ARFGAP1: variants seen among roughly 807,000 people sequenced by gnomAD.
ARFGAP1 encodes ARF GTPase activating protein 1.
Under a neutral mutation model 54.0 loss-of-function variants are expected in ARFGAP1, and 26 were observed. The observed-to-expected ratio is 0.48, with a 90% CI of 0.35 to 0.67. The LOEUF (loss-of-function observed/expected upper bound fraction) is 0.67, where lower values mean the gene tolerates loss of function less well. ARFGAP1 is among the 30% of genes least tolerant of loss of function. ARFGAP1 has a pLI of 0.00. For synonymous variants in ARFGAP1, 248 were observed against 211.9 expected (o/e 1.17, Z -1.48); for missense variants, 525 against 535.8 (o/e 0.98, Z 0.20).
rs1265741583 is a variant in ARFGAP1 at position 63,289,306 on chromosome 20, C to T, written c.*1433C>T. 3 of 152,218 alleles carry T rather than the reference C, an allele frequency of 2.0e-5. No homozygotes were observed. The highest frequency in any genetic ancestry group is 2.1e-4 in the South Asian group (1 of 4,828). 9.4% of individuals were successfully genotyped at this position (152,218 alleles called of 1,614,324 possible). A position where few individuals can be genotyped will look rare whatever the true frequency, so the allele number is the denominator to read the frequency against. Reference sequence around the variant, plus strand: ...AGGAAGCCAGCCCCCGAGAGCTGAGCGTGGGGGTCTTTGAGTGTCTTTCTC... The same window carrying T: ...AGGAAGCCAGCCCCCGAGAGCTGAGTGTGGGGGTCTTTGAGTGTCTTTCTC... On this transcript the variant is annotated 3_prime_UTR_variant, in exon 13 of 13. Transcript: ENST00000370283.
At chr20:63,286,507 C>G (rs2067555664) in intron 12 of ARFGAP1, 65 bp downstream of exon 12, 17 of 1,487,390 alleles carry the variant, frequency 1.1e-5, no homozygotes, top group Admixed American at 1.8e-5. Flanking sequence ...CTCCTACAGG[C>G]TCTCCAGGAG....
Position 63,276,542 on chromosome 20 carries a change from G to T in ARFGAP1, c.233G>T (p.Gly78Val). ...ATTGAGCTTGAGAAGATGAAAGCTG[G>T]TGGGAATGCTAAGTTCCGAGAGTTC... ...KDIELEKMKA[G>V]GNAKFREFLE... The change falls in exon 4 of 13, where the codon GGT (glycine) becomes GTT (valine). Residue 78 changes from glycine to valine, a missense_variant. Transcript: ENST00000370283. This position sits in a 1 kb window ranked among gnomAD's most constrained non-coding sequence, Gnocchi z 5.2. The T allele has an allele frequency of 6.2e-7, 1 of 1,614,104 alleles. No individual in the cohort carries two copies. Among genetic ancestry groups the T allele is most frequent in the Non-Finnish European group, 8.5e-7 (1 of 1,180,002 alleles).
chr20:63,285,070 C>T (rs1306644080), intron 10 of ARFGAP1, 148 bp downstream of exon 10: 11 of 985,186 alleles, frequency 1.1e-5, no homozygotes, highest in Non-Finnish European at 1.5e-5. Context: ...CAGGCGTCCT[C>T]CTCGGGGCCT....
In ARFGAP1 at chr20:63,284,630, G is replaced by A; in HGVS notation, c.718-236G>A. On this transcript the variant is annotated intron_variant, in intron 9 of 12. Coordinates refer to ENST00000370283, the MANE Select transcript of ARFGAP1 (RefSeq NM_018209.4). ...GGCGCGTGAGGGAGGACCCTGGAGGGGGACCTTCCTGCAAGAATTGGTGGG... is the reference window on the plus strand; with the variant it reads ...GGCGCGTGAGGGAGGACCCTGGAGGAGGACCTTCCTGCAAGAATTGGTGGG... The A allele has an allele frequency of 2.9e-6, 4 of 1,382,442 alleles. No individual in the cohort carries two copies. In the South Asian group the frequency reaches 4.4e-5, roughly 15 times the overall value. 85.6% of individuals were successfully genotyped at this position (1,382,442 alleles called of 1,614,324 possible). A position where few individuals can be genotyped will look rare whatever the true frequency, so the allele number is the denominator to read the frequency against.
At chr20:63,284,989 G>T (rs994621028) in intron 10 of ARFGAP1, 67 bp downstream of exon 10, 1 of 1,570,142 alleles carries the variant, frequency 6.4e-7, no homozygotes, top group African/African-American at 1.4e-5. Flanking sequence ...TGTGTCAGGG[G>T]TGTTAGGGGG....
intron 7 of ARFGAP1, among the ~76,000 whole-genome samples, chr20:63,280,886 C>T (rs1236733164): frequency 1.3e-5 from 2 of 152,150 alleles, no homozygotes; most frequent in Admixed American, 6.5e-5. Flanking sequence ...AGAAGGAAAC[C>T]CTGAGCATAG....
rs998285640 is a variant in ARFGAP1 at position 63,284,743 on chromosome 20, A to T, written c.718-123A>T. ...CCCGTTTCCTGCTCCCTGCGCTTGT[A>T]TCCTGCTGCCTTCCCTCCTGCTGGT... On this transcript the variant is annotated intron_variant, in intron 9 of 12. Transcript: ENST00000370283. 3.0e-5 allele frequency: 46 copies of T among 1,523,776 alleles called. 1 individual carries two copies. The highest frequency in any genetic ancestry group is 5.9e-5 in the Admixed American group (3 of 50,798). 94.4% of individuals were successfully genotyped at this position (1,523,776 alleles called of 1,614,324 possible).
At position 63,276,003 on chromosome 20, in the gene ARFGAP1, T is replaced by A; in HGVS notation, c.61-88T>A. On this transcript the variant is annotated intron_variant, in intron 2 of 12. Transcript: ENST00000370283. This position sits in a 1 kb window ranked among gnomAD's most constrained non-coding sequence, Gnocchi z 5.2. ...CGGCCACCCTGGGCAGCCCTCTGCATTCGCTCCTTGAGGCCACCTGTCGGG... is the reference window on the plus strand; with the variant it reads ...CGGCCACCCTGGGCAGCCCTCTGCAATCGCTCCTTGAGGCCACCTGTCGGG... The A allele has an allele frequency of 8.0e-7, 1 of 1,247,650 alleles. No individual in the cohort carries two copies. Among genetic ancestry groups the A allele is most frequent in the Non-Finnish European group, 1.2e-6 (1 of 853,632 alleles). The allele number at this position is 1,247,650 out of a possible 1,614,324, so 77.3% of individuals were successfully genotyped here. A position where few individuals can be genotyped will look rare whatever the true frequency, so the allele number is the denominator to read the frequency against.
In ARFGAP1 at chr20:63,276,563, A is replaced by C; in HGVS notation, c.254A>C (p.Glu85Ala). Residue 85 changes from glutamate (E) to alanine (A), a missense_variant, in exon 4 of 13, where the codon GAG becomes GCG. Physicochemically the swap from Glu to Ala is moderately radical, Grantham distance 107 (BLOSUM62 -1). Around this residue, in one of 3 missense-constraint regions of ARFGAP1, gnomAD observed 466 missense variants for 453.6 expected, o/e 1.03. Transcript: ENST00000370283. The surrounding 1 kb of genome is among the most constrained non-coding windows in gnomAD (Gnocchi z 5.2). ...GCTGGTGGGAATGCTAAGTTCCGAG[A>C]GTTCCTGGAGTCTCAGGAGGATTAC... ...MKAGGNAKFR[E>A]FLESQEDYDP... The C allele has an allele frequency of 3.7e-6, 6 of 1,614,068 alleles. No homozygotes were observed. The highest frequency in any genetic ancestry group is 5.1e-6 in the Non-Finnish European group (6 of 1,179,998).
At chr20:63,275,896 AC>A (rs2067223059) in intron 2 of ARFGAP1, among the ~76,000 whole-genome samples, 194 bp from the exon 3 acceptor site, 2 of 151,912 alleles carry the variant, frequency 1.3e-5, no homozygotes, top group South Asian at 4.2e-4. Context: ...CGCTCTAAGG[AC>A]AGGTCCGCCT....
intron 9 of ARFGAP1, chr20:63,284,145 G>C: frequency 1.5e-6 from 2 of 1,337,940 alleles, no homozygotes; most frequent in Non-Finnish European, 1.9e-6. Flanking sequence ...AAAACACACA[G>C]ACCCCCAACG....
Position 63,287,544 on chromosome 20 carries a change from C to T in ARFGAP1, c.912-20C>T, listed in dbSNP as rs779811589. The T allele has an allele frequency of 1.4e-5, 22 of 1,559,964 alleles. No homozygotes were observed. Among genetic ancestry groups the T allele is most frequent in the Middle Eastern group, 1.7e-4 (1 of 5,774 alleles). Reference sequence around the variant, plus strand: ...ACTGAGTAACAGTCATTTAGAGTCCCCCTTCTGTCTCTTTAAAAGCCCCTC... The same window carrying T: ...ACTGAGTAACAGTCATTTAGAGTCCTCCTTCTGTCTCTTTAAAAGCCCCTC... On this transcript the variant is annotated intron_variant, in intron 12 of 12. Coordinates refer to ENST00000370283, the MANE Select transcript of ARFGAP1 (RefSeq NM_018209.4).
At chr20:63,282,478 T>C (rs1169738405) in intron 8 of ARFGAP1, among the ~76,000 whole-genome samples, 2 of 152,208 alleles carry the variant, frequency 1.3e-5, no homozygotes, top group African/African-American at 4.8e-5. Flanking sequence ...TGGTGTGGCT[T>C]CCCCAGCCCG....
intron 9 of ARFGAP1, chr20:63,284,107 C>G (rs570411929): frequency 1.6e-5 from 21 of 1,327,132 alleles, no homozygotes; most frequent in Non-Finnish European, 2.0e-5. Context: ...GCGCTCCCCC[C>G]GGGCAAAAAA....
At chr20:63,275,196 G>C (rs895457046) in intron 1 of ARFGAP1, among the ~76,000 whole-genome samples, 1 of 152,210 alleles carries the variant, frequency 6.6e-6, no homozygotes, top group Non-Finnish European at 1.5e-5. Context: ...GTGGAAAATC[G>C]AATTTTGCAG....
At chr20:63,278,429 C>T (rs2067289526) in intron 6 of ARFGAP1, 1 of 506,296 alleles carries the variant, frequency 2.0e-6, no homozygotes, top group Non-Finnish European at 3.5e-6. Context: ...ATTGGGGGGT[C>T]TTAGATGTAT....
In ARFGAP1 at chr20:63,283,010, C is replaced by G. The variant is rs1047700410; in HGVS notation, c.717+159C>G. On this transcript the variant is annotated intron_variant, in intron 9 of 12. Coordinates refer to ENST00000370283, the MANE Select transcript of ARFGAP1 (RefSeq NM_018209.4). ...AGGGGGTGTTCCTGCCATGCTGTTC[C>G]CCTCCTCATGCCCGGGTGGCTGCCT... The G allele has an allele frequency of 9.0e-6, 7 of 781,046 alleles. No individual in the cohort carries two copies. In the Admixed American group the frequency reaches 1.1e-4, roughly 13 times the overall value. The allele number at this position is 781,046 out of a possible 1,614,324, so 48.4% of individuals were successfully genotyped here. A position where few individuals can be genotyped will look rare whatever the true frequency, so the allele number is the denominator to read the frequency against.
intron 7 of ARFGAP1, among the ~76,000 whole-genome samples, chr20:63,279,792 C>T (rs759757383): frequency 8.5e-5 from 13 of 152,178 alleles, no homozygotes; most frequent in Non-Finnish European, 2.9e-5. Flanking sequence ...TTGCTATTAA[C>T]GGGAATACAT....
Position 63,287,576 on chromosome 20 carries a change from C to T in ARFGAP1, c.924C>T (p.Gly308=), listed in dbSNP as rs140388142. 3.7e-5 allele frequency: 59 copies of T among 1,590,272 alleles called. No individual in the cohort carries two copies. In the African/African-American group the frequency reaches 6.5e-4, roughly 17 times the overall value. ...AEGPLDSPSE[G]HSYQNSGLDH... ...GTCTCTTTAAAAGCCCCTCGGAGGGCCACAGTTATCAGAACAGCGGTCTGG... is the reference window on the plus strand; with the variant it reads ...GTCTCTTTAAAAGCCCCTCGGAGGGTCACAGTTATCAGAACAGCGGTCTGG... Residue 308 remains glycine (G), a synonymous_variant, in exon 13 of 13, where the codon GGC becomes GGT. Coordinates refer to ENST00000370283, the MANE Select transcript of ARFGAP1 (RefSeq NM_018209.4).
Sources: gnomAD v4.1 joint callset for allele counts (sites outside exome capture counted in the v4.1 genomes callset) on GRCh38, gnomAD v4.1.1 for gene constraint, gnomAD v4.1.1 regional missense constraint, Gnocchi (gnomAD v3.1) non-coding constraint, MANE v1.5 for transcripts, NCBI Gene and HGNC (gene_info 2026-07-23, HGNC 2026-07-21) for gene names.